Variants in MGST1 observed in about 807,000 individuals in gnomAD.
MGST1 encodes the protein microsomal glutathione S-transferase 1.
Under a neutral mutation model 8.9 loss-of-function variants are expected in MGST1, and 5 were observed. The ratio of observed to expected loss-of-function variants is 0.56; its 90% CI spans 0.29 to 1.19. The LOEUF is 1.19. Among genes scored for constraint, MGST1 ranks in the 50% most tolerant of loss-of-function variants. MGST1 has a pLI of 0.08. For missense variants in MGST1, 182 were observed against 187.4 expected, an observed-to-expected ratio of 0.97 and a Z score of 0.17; for synonymous variants, 54 against 67.8, an observed-to-expected ratio of 0.80 and a Z score of 1.00.
At position 16,522,783 on chromosome 12, in the gene MGST1, T is replaced by A. The variant is rs1941656506; in HGVS notation, n.483-66745T>A. 2.6e-5 allele frequency among the ~76,000 whole-genome samples: 4 copies of A among 152,054 alleles called. No individual in the cohort carries two copies. The South Asian group carries it at 8.3e-4, about 31-fold the overall frequency. On this transcript the variant is annotated intron_variant and non_coding_transcript_variant, in intron 4 of 4. Coordinates refer to the MGST1 transcript ENST00000538857. Reference sequence around the variant, plus strand: ...TCTGTTTCTGCAGTAAGATGTGAGTTTTGTAAGTGTGCTGATGGCTAGAAG... The same window carrying A: ...TCTGTTTCTGCAGTAAGATGTGAGTATTGTAAGTGTGCTGATGGCTAGAAG...
At chr12:16,501,586 C>A (rs899542617) in intron 4 of MGST1, among the ~76,000 whole-genome samples, 1 of 152,162 alleles carries the variant, frequency 6.6e-6, no homozygotes, top group African/African-American at 2.4e-5. Context: ...GGAATGACTG[C>A]TACGTACTCA....
At chr12:16,508,379 T>C (rs1019507465) in intron 4 of MGST1, among the ~76,000 whole-genome samples, 5 of 152,176 alleles carry the variant, frequency 3.3e-5, no homozygotes, top group African/African-American at 1.2e-4. Context: ...CTTGCATTAT[T>C]ACATGAAATC....
At chr12:16,575,711 T>C (rs561700537) in intron 4 of MGST1, among the ~76,000 whole-genome samples, 1 of 152,292 alleles carries the variant, frequency 6.6e-6, no homozygotes, top group South Asian at 2.1e-4. Flanking sequence ...TTTCCCCTCT[T>C]GTGTCAAGAG....
intron 1 of MGST1, chr12:16,402,544 C>T: frequency 1.3e-6 from 1 of 790,588 alleles, no homozygotes; most frequent in South Asian, 1.8e-5. Context: ...GCTACTAACA[C>T]TTCTTATGCT....
chr12:16,527,465 A>T (rs775840017), intron 4 of MGST1, among the ~76,000 whole-genome samples: 1 of 152,074 alleles, frequency 6.6e-6, no homozygotes, highest in Non-Finnish European at 1.5e-5. Context: ...TAAGGCTAAT[A>T]AATCACACAT....
chr12:16,490,707 A>C (rs964798456), intron 4 of MGST1, among the ~76,000 whole-genome samples: 3 of 152,166 alleles, frequency 2.0e-5, no homozygotes, highest in Non-Finnish European at 4.4e-5. Flanking sequence ...AAAGAAAGCA[A>C]AGCTTAGGAA....
Position 16,362,140 on chromosome 12 carries a change from G to A in MGST1, c.222-1655G>A, listed in dbSNP as rs1310146306. Among the ~76,000 whole-genome samples, 1 of 152,124 alleles carries A rather than the reference G, an allele frequency of 6.6e-6. No individual in the cohort carries two copies. The highest frequency in any genetic ancestry group is 1.5e-5 in the Non-Finnish European group (1 of 68,030). On this transcript the variant is annotated intron_variant, in intron 3 of 3. Coordinates refer to ENST00000396210, the MANE Select transcript of MGST1 (RefSeq NM_020300.5). The surrounding 1 kb of genome is among the most constrained non-coding windows in gnomAD (Gnocchi z 4.4). ...GTGACGATATCTCTGTGATGCTGGG[G>A]GAGAAATCACAGGGGCAAAACAAAT...
chr12:16,574,070 G>A (rs1319371244), intron 4 of MGST1: 2 of 152,138 alleles, frequency 1.3e-5, no homozygotes, highest in African/African-American at 4.8e-5. Context: ...TGGACCTGCA[G>A]CTTACCTGAT....
In MGST1 at chr12:16,582,449, G is replaced by A. The variant is rs1395516521; in HGVS notation, n.483-7079G>A. The stretch of plus-strand genomic sequence containing the variant: ...TTATATTTTATATTGTCTTTATCAG[G>A]TCAAGGTACTGTATTAGAGTTATGT... On this transcript the variant is annotated intron_variant and non_coding_transcript_variant, in intron 4 of 4. Coordinates refer to the MGST1 transcript ENST00000538857. This position sits in a 1 kb window ranked among gnomAD's most constrained non-coding sequence, Gnocchi z 4.1. Among the ~76,000 whole-genome samples, 1 of 152,132 alleles carries A rather than the reference G, an allele frequency of 6.6e-6. No individual in the cohort carries two copies. The highest frequency in any genetic ancestry group is 1.5e-5 in the Non-Finnish European group (1 of 68,014).
chr12:16,565,958 G>A (rs1436823861), intron 4 of MGST1, among the ~76,000 whole-genome samples: 1 of 113,192 alleles, frequency 8.8e-6, no homozygotes, highest in Non-Finnish European at 1.7e-5. Context: ...GCCCATCAAT[G>A]GATGAATGGA....
intron 3 of MGST1, chr12:16,370,390 CAAGT>C (rs1591708571): frequency 1.3e-5 from 2 of 152,230 alleles, no homozygotes; most frequent in East Asian, 3.9e-4. Context: ...TGCTCCCAAC[CAAGT>C]GTTTCATCAA....
intron 1 of MGST1, among the ~76,000 whole-genome samples, chr12:16,394,990 G>A (rs77586689): frequency 0.045 from 6,764 of 151,820 alleles, 496 homozygotes; most frequent in African/African-American, 0.15. Context: ...TTCTCTCAAT[G>A]GACAGCTTGT....
chr12:16,442,700 T>A (rs981440390), downstream of MGST1, among the ~76,000 whole-genome samples: 1 of 151,884 alleles, frequency 6.6e-6, no homozygotes, highest in African/African-American at 2.4e-5. The surrounding 1 kb of genome is among the most constrained non-coding windows in gnomAD (Gnocchi z 4.5). Context: ...ATTGTAGCTT[T>A]ATAATAAGTC....
At chr12:16,556,149 G>A (rs2137287222) in intron 4 of MGST1, among the ~76,000 whole-genome samples, 1 of 152,072 alleles carries the variant, frequency 6.6e-6, no homozygotes, top group Middle Eastern at 3.4e-3. Flanking sequence ...TTACATATTT[G>A]GGAAAATTTC....
At chr12:16,491,992 T>G (rs1403775207) in intron 4 of MGST1, among the ~76,000 whole-genome samples, 3 of 152,182 alleles carry the variant, frequency 2.0e-5, no homozygotes, top group African/African-American at 7.2e-5. Flanking sequence ...ATTGTTACAT[T>G]GGTTCAATTC....
At chr12:16,395,811 A>ATATATATG (rs1247749625) in intron 1 of MGST1, among the ~76,000 whole-genome samples, 7 of 141,402 alleles carry the variant, frequency 5.0e-5, no homozygotes, top group African/African-American at 2.1e-4. Flanking sequence ...ATATACACAC[A>ATATATATG]CACACACACA....
chr12:16,402,906 A>C (rs926262983), intron 1 of MGST1, among the ~76,000 whole-genome samples: 1 of 149,290 alleles, frequency 6.7e-6, no homozygotes, highest in Non-Finnish European at 1.5e-5. Context: ...CTACTTTTTA[A>C]TATATATTTA....
Position 16,588,848 on chromosome 12 carries a change from CCTTAT to C in MGST1, n.483-671_483-667del, listed in dbSNP as rs763474369. Among the ~76,000 whole-genome samples the C allele has an allele frequency of 7.2e-5, 11 of 152,078 alleles. No individual in the cohort carries two copies. The South Asian group carries it at 8.3e-4, about 11-fold the overall frequency. The stretch of plus-strand genomic sequence containing the variant: ...ATCTTCTCCTCATGTTTAATTTCTC[CCTTAT>C]CTTATCTTCATAACTCAGTGCCATT... On this transcript the variant is annotated intron_variant and non_coding_transcript_variant, in intron 4 of 4. Transcript: ENST00000538857.
chr12:16,373,297 T>C (rs1217206667), intron 3 of MGST1, among the ~76,000 whole-genome samples: 1 of 151,554 alleles, frequency 6.6e-6, no homozygotes, highest in African/African-American at 2.4e-5. Context: ...GGAATGAGTT[T>C]GAGAATATGG....
Sources: allele counts gnomAD v4.1 joint callset (sites outside exome capture counted in the v4.1 genomes callset), GRCh38; gene constraint gnomAD v4.1.1; non-coding constraint Gnocchi (gnomAD v3.1); transcripts MANE v1.5; gene names NCBI Gene and HGNC (gene_info 2026-07-23, HGNC 2026-07-21).